Variants in GABRE observed in about 807,000 individuals in gnomAD.
The protein encoded by GABRE is gamma-aminobutyric acid type A receptor subunit epsilon, also known as gamma-aminobutyric acid receptor subunit epsilon.
Under a neutral mutation model 31.0 loss-of-function variants are expected in GABRE, and 20 were observed. The observed-to-expected ratio is 0.64, with a 90% CI of 0.45 to 0.94. GABRE has a LOEUF of 0.94. Ranked by LOEUF, GABRE falls within the 40% of genes least tolerant of loss-of-function variation. The probability of loss-of-function intolerance (pLI) is 0.00; values close to 1 mark genes in which losing one functional copy is unlikely to be tolerated. For missense variants in GABRE, 420 were observed against 410.7 expected (o/e 1.02, Z -0.20); for synonymous variants, 155 against 150.6 (o/e 1.03, Z -0.21).
At chrX:151,974,179 G>GC (rs1010530095) in intron 1 of GABRE, among the ~76,000 whole-genome samples, 1 of 111,461 alleles carries the variant, frequency 9.0e-6, no homozygotes, top group Non-Finnish European at 1.9e-5. Flanking sequence ...TGCACCTCCG[G>GC]CCCCCCCAGT....
rs1199802396 is a variant in GABRE, at chrX:151,970,296, T to G, written c.163A>C (p.Lys55Gln). 8.3e-7 allele frequency: 1 copy of G among 1,211,977 alleles called. No homozygotes were observed. The highest frequency in any genetic ancestry group is 1.8e-5 in the South Asian group (1 of 56,980). ...CTCCCAGTCTCAGTCTCAGTTGACT[T>G]TGTTTCCTCAGAGAGGAGCTGATTT... is the stretch of plus-strand genomic sequence containing the variant. Reference protein sequence around the residue: ...LENQLLSEETKSTETETGSRV... With the variant: ...LENQLLSEETQSTETETGSRV... Residue 55 changes from lysine (K) to glutamine (Q), a missense_variant, in exon 2 of 9, where the codon AAG becomes CAG. Physicochemically the swap from Lys to Gln is moderately conservative, Grantham distance 53. Coordinates refer to ENST00000370328, the MANE Select transcript of GABRE (RefSeq NM_004961.4).
Position 151,959,938 on chromosome X carries a change from T to G in GABRE, c.685A>C (p.Asn229His). ...PENEMIYKWE[N>H]FKLEINEKNS... ...TTCTCATTGATTTCAAGCTTGAAAT[T>G]TTCCCACTTGTAGATCATCTCATTC... Residue 229 changes from asparagine to histidine, a missense_variant, in exon 6 of 9, where the codon AAT becomes CAT. Physicochemically the swap from Asn to His is moderately conservative, Grantham distance 68. Transcript: ENST00000370328. 1 of 1,209,161 alleles carries G rather than the reference T, an allele frequency of 8.3e-7. No homozygotes were observed.
chrX:151,969,329 C>T (rs1455309163), intron 3 of GABRE: 1 of 148,309 alleles, frequency 6.7e-6, no homozygotes, highest in Non-Finnish European at 1.3e-5. Flanking sequence ...ATAGAACAGT[C>T]TTAGAGCAAG....
rs139717262 is a variant in GABRE at position 151,973,941 on chromosome X, G to A, written c.56+629C>T. Among the ~76,000 whole-genome samples, 962 of 111,253 alleles carry A rather than the reference G, an allele frequency of 8.6e-3. 11 individuals are homozygous for A. Among genetic ancestry groups the A allele is most frequent in the African/African-American group, 0.03 (904 of 30,552 alleles). On this transcript the variant is annotated intron_variant, in intron 1 of 8. Coordinates refer to ENST00000370328, the MANE Select transcript of GABRE (RefSeq NM_004961.4). ...GGAGGCTGTCAGCGGTGGAGAGGGG[G>A]CATAGCTGGTGCGGGAACCCTTAGA... is the stretch of plus-strand genomic sequence containing the variant.
chrX:151,953,561 T>C lies in GABRE; in HGVS notation c.*1140A>G, dbSNP rs1013524332. 8.9e-6 allele frequency: 1 copy of C among 112,516 alleles called. No homozygotes were observed. The highest frequency in any genetic ancestry group is 1.9e-5 in the Non-Finnish European group (1 of 53,301). The allele number at this position is 112,516 out of a possible 1,213,427, so 9.3% of individuals were successfully genotyped here. ...GGGGATAAGAATCCTGCCCTAAAGA[T>C]GTCACAAGGCTATCATGAAGCTCCA... On this transcript the variant is annotated 3_prime_UTR_variant, in exon 9 of 9. Coordinates refer to ENST00000370328, the MANE Select transcript of GABRE (RefSeq NM_004961.4).
In GABRE at chrX:151,955,408, T is replaced by C; in HGVS notation, c.1097A>G (p.Tyr366Cys). ...LEFAVLNFLI[Y>C]NQTKAHASPK... ...AGAAGCATGGGCTTTTGTCTGGTTG[T>C]AGATCAGGAAGTTGAGCACAGCAAA... Residue 366 changes from tyrosine (Y) to cysteine (C), a missense_variant, in exon 8 of 9, where the codon TAC (tyrosine) becomes TGC (cysteine). Physicochemically the swap from Tyr to Cys is radical, Grantham distance 194 (BLOSUM62 -2). Transcript: ENST00000370328. 8.3e-7 allele frequency: 1 copy of C among 1,211,843 alleles called. No homozygotes were observed. Among genetic ancestry groups the C allele is most frequent in the Non-Finnish European group, 1.1e-6 (1 of 895,533 alleles).
At chrX:151,973,216 C>CA (rs764562125) in intron 1 of GABRE, among the ~76,000 whole-genome samples, 7 of 110,560 alleles carry the variant, frequency 6.3e-5, no homozygotes, top group African/African-American at 2.3e-4. Flanking sequence ...TCTTTCCTGA[C>CA]ACCACAGGTT....
At chrX:151,967,286 T>C (rs962376448) in intron 3 of GABRE, among the ~76,000 whole-genome samples, 1 of 112,243 alleles carries the variant, frequency 8.9e-6, no homozygotes, top group Non-Finnish European at 1.9e-5. Flanking sequence ...GGCAGTGCCT[T>C]AGTCAGCCAA....
At chrX:151,968,895 G>T (rs1934601742) in intron 3 of GABRE, among the ~76,000 whole-genome samples, 2 of 112,267 alleles carry the variant, frequency 1.8e-5, no homozygotes, top group Admixed American at 1.9e-4. Context: ...GAAGAATGTG[G>T]TATGAGAAAG....
chrX:151,974,489 TGGGGTCCCGGGAGCCGTCCCGGCTCCC>T, intron 1 of GABRE, 54 bp downstream of exon 1: 1 of 664,376 alleles, frequency 1.5e-6, no homozygotes, highest in Non-Finnish European at 2.2e-6. Flanking sequence ...GCGGGGCCGC[TGGGGTCCCGGGAGCCGTCCCGGCTCCC>T]GGGGAGAGGG....
chrX:151,956,748 C>CAGACTG (rs1934183609), intron 6 of GABRE: 2 of 112,468 alleles, frequency 1.8e-5, no homozygotes, highest in Admixed American at 9.4e-5. Context: ...ATCCACAGGG[C>CAGACTG]AGACTGAGGT....
Position 151,955,534 on chromosome X carries a change from C to T in GABRE, c.971G>A (p.Gly324Asp). The T allele has an allele frequency of 8.3e-7, 1 of 1,211,590 alleles. No homozygotes were observed. The highest frequency in any genetic ancestry group is 1.1e-6 in the Non-Finnish European group (1 of 895,249). ...ITSVLTMTTL[G>D]TFSRKNFPRV... ...CGGGAAATTCTTACGAGAAAAGGTG[C>T]CCAACGTGGTCATGGTCAGAACAGA... is the stretch of plus-strand genomic sequence containing the variant. The change falls in exon 8 of 9, where the codon GGC becomes GAC. Residue 324 changes from glycine (G) to aspartate (D), a missense_variant. By Grantham distance (94) the Gly-to-Asp change is moderately conservative. Transcript: ENST00000370328.
At chrX:151,971,158 G>T in intron 1 of GABRE, 1 of 828,080 alleles carries the variant, frequency 1.2e-6, no homozygotes, top group Non-Finnish European at 1.5e-6. Context: ...TTAGAAGTCC[G>T]GATAGTGCTG....
At chrX:151,955,190 G>A (rs1934113682) in intron 8 of GABRE, 106 bp from the exon 9 acceptor site, 1 of 1,171,269 alleles carries the variant, frequency 8.5e-7, no homozygotes, top group African/African-American at 1.8e-5. Context: ...ACCATATCTT[G>A]GCTTCTCTCC....
intron 3 of GABRE, among the ~76,000 whole-genome samples, chrX:151,965,091 A>T (rs1175424683): frequency 2.7e-5 from 3 of 111,347 alleles, no homozygotes; most frequent in Non-Finnish European, 5.7e-5. Context: ...GCGGAGGTTG[A>T]CGTGAGCAAA....
intron 5 of GABRE, among the ~76,000 whole-genome samples, chrX:151,960,980 A>C (rs1398998335): frequency 9.0e-6 from 1 of 111,571 alleles, no homozygotes; most frequent in East Asian, 2.8e-4. Flanking sequence ...GGACATGTGC[A>C]GTTTCAAAGT....
chrX:151,959,000 C>T, intron 6 of GABRE: 1 of 329,983 alleles, frequency 3.0e-6, no homozygotes, highest in Non-Finnish European at 5.9e-6. Flanking sequence ...CGACAAATGG[C>T]TGGTTGGGTG....
intron 6 of GABRE, chrX:151,956,144 G>C (rs898080067): frequency 6.4e-6 from 2 of 313,139 alleles, no homozygotes; most frequent in East Asian, 1.0e-4. Context: ...GTTGGCAAGA[G>C]AGTCAGGTGA....
chrX:151,959,620 G>A (rs780597446), intron 6 of GABRE: 2 of 515,299 alleles, frequency 3.9e-6, no homozygotes, highest in Non-Finnish European at 7.2e-6. Flanking sequence ...AACCTCTCAA[G>A]GAGCTTGGCA....
Sources: gnomAD v4.1 joint callset for allele counts (sites outside exome capture counted in the v4.1 genomes callset) on GRCh38, gnomAD v4.1.1 for gene constraint, MANE v1.5 for transcripts, NCBI Gene and HGNC (gene_info 2026-07-23, HGNC 2026-07-21) for gene names.